The following SNTG1 variants were observed in gnomAD, a reference collection of about 807,000 sequenced individuals.
SNTG1 encodes syntrophin gamma 1.
Under a neutral mutation model 74.7 loss-of-function variants are expected in SNTG1, and 39 were observed. The ratio of observed to expected loss-of-function variants is 0.52; its 90% confidence interval spans 0.40 to 0.68. The LOEUF (loss-of-function observed/expected upper bound fraction) is 0.68. Among genes scored for constraint, SNTG1 ranks in the 30% least tolerant of loss-of-function variants. The pLI is 0.00. For missense variants in SNTG1, 685 were observed against 609.5 expected (o/e 1.12, Z -1.30); for synonymous variants, 254 against 217.1 (o/e 1.17, Z -1.49).
intron 15 of SNTG1, among the ~76,000 whole-genome samples, chr8:50,701,857 T>G (rs1302806813): frequency 6.7e-6 from 1 of 149,604 alleles, no homozygotes; most frequent in African/African-American, 2.5e-5. Context: ...CCTCTTCTTC[T>G]TCCTCTTTTT....
chr8:50,404,363 A>G (rs917293276), intron 4 of SNTG1, among the ~76,000 whole-genome samples: 1 of 152,176 alleles, frequency 6.6e-6, no homozygotes, highest in Non-Finnish European at 1.5e-5. Context: ...TAAATATTCC[A>G]AACCAGTCAA....
rs531530956 is a variant in SNTG1, at chr8:50,161,776, A to G, written c.-102-10785A>G. Among the ~76,000 whole-genome samples the G allele has an allele frequency of 1.7e-4, 26 of 152,322 alleles. 1 individual carries two copies. Among genetic ancestry groups the G allele is most frequent in the African/African-American group, 6.0e-4 (25 of 41,578 alleles). On this transcript the variant is annotated intron_variant, in intron 1 of 18. Coordinates refer to ENST00000642720, the MANE Select transcript of SNTG1 (RefSeq NM_018967.5). ...AACAGAAAAGAAAAAGAAAAAGAAA[A>G]AAAAAGTCACCCAATCAAAACATCC...
chr8:49,918,138 C>T (rs1027654130), intron 1 of SNTG1, among the ~76,000 whole-genome samples: 14 of 151,932 alleles, frequency 9.2e-5, no homozygotes, highest in Non-Finnish European at 1.3e-4. Flanking sequence ...CAATGAACCA[C>T]GACTTGATGA....
At chr8:50,750,458 C>T (rs995526849) in intron 17 of SNTG1, among the ~76,000 whole-genome samples, 3 of 151,936 alleles carry the variant, frequency 2.0e-5, no homozygotes, top group Non-Finnish European at 4.4e-5. Context: ...GACTGCAGTT[C>T]AGAAATTCTG....
chr8:50,013,422 C>T (rs547103057), intron 1 of SNTG1, among the ~76,000 whole-genome samples: 2 of 151,726 alleles, frequency 1.3e-5, no homozygotes, highest in Non-Finnish European at 2.9e-5. Context: ...TTTTGTAAAA[C>T]TTTCTTTTCA....
chr8:49,924,657 A>G (rs1452652824), intron 1 of SNTG1, among the ~76,000 whole-genome samples: 1 of 152,046 alleles, frequency 6.6e-6, no homozygotes, highest in African/African-American at 2.4e-5. Flanking sequence ...GAGTTTAGAC[A>G]TTAATTATGT....
intron 5 of SNTG1, among the ~76,000 whole-genome samples, chr8:50,442,930 A>G (rs1403694546): frequency 6.6e-6 from 1 of 151,980 alleles, no homozygotes; most frequent in Non-Finnish European, 1.5e-5. Context: ...TTGCAGCACC[A>G]TTTCTACTGG....
chr8:50,267,043 G>T (rs747475844), intron 2 of SNTG1, among the ~76,000 whole-genome samples: 2 of 151,656 alleles, frequency 1.3e-5, no homozygotes, highest in Non-Finnish European at 2.9e-5. Context: ...CTATCCTTAG[G>T]ACATACTTTA....
At chr8:50,592,508 C>T (rs2094698257) in intron 13 of SNTG1, among the ~76,000 whole-genome samples, 1 of 152,124 alleles carries the variant, frequency 6.6e-6, no homozygotes, top group African/African-American at 2.4e-5. Flanking sequence ...TGACTGGGAG[C>T]ACTTCTTGCC....
intron 17 of SNTG1, among the ~76,000 whole-genome samples, chr8:50,734,911 A>G (rs1334813228): frequency 7.0e-6 from 1 of 141,890 alleles, no homozygotes; most frequent in South Asian, 2.2e-4. Context: ...ATATATATCT[A>G]TATATATGTC....
At chr8:50,272,736 T>C (rs1380411958) in intron 2 of SNTG1, among the ~76,000 whole-genome samples, 2 of 152,122 alleles carry the variant, frequency 1.3e-5, no homozygotes, top group East Asian at 1.9e-4. Context: ...AACTTGTAAT[T>C]CTACACTTTC....
chr8:50,380,981 AAT>A (rs1450272996), intron 2 of SNTG1: 2 of 152,132 alleles, frequency 1.3e-5, no homozygotes, highest in African/African-American at 4.8e-5. Flanking sequence ...TCAGTGACGT[AAT>A]AATAGTCTAG....
At chr8:50,497,986 A>G (rs1226942182) in intron 8 of SNTG1, among the ~76,000 whole-genome samples, 1 of 151,888 alleles carries the variant, frequency 6.6e-6, no homozygotes, top group African/African-American at 2.4e-5. Context: ...TTATAAGGAT[A>G]TATCTCAGTT....
At chr8:49,957,971 A>G (rs115550459) in intron 1 of SNTG1, among the ~76,000 whole-genome samples, 1,919 of 152,278 alleles carry the variant, frequency 0.013, 42 homozygotes, top group African/African-American at 0.043. Flanking sequence ...TTCAAATGAC[A>G]TAGGACTTGT....
intron 18 of SNTG1, among the ~76,000 whole-genome samples, chr8:50,756,661 A>G (rs2095581350): frequency 6.6e-6 from 1 of 151,660 alleles, no homozygotes; most frequent in South Asian, 2.1e-4. Context: ...TGCTGTCTTG[A>G]TGACTGTAGC....
At chr8:50,721,150 T>C (rs2095486720) in intron 17 of SNTG1, among the ~76,000 whole-genome samples, 1 of 152,226 alleles carries the variant, frequency 6.6e-6, no homozygotes. Context: ...CAGTTTTGAA[T>C]GGTCTGCATC....
intron 2 of SNTG1, among the ~76,000 whole-genome samples, chr8:50,307,988 T>G (rs1239747499): frequency 1.3e-5 from 2 of 151,948 alleles, no homozygotes; most frequent in Non-Finnish European, 2.9e-5. Context: ...TCTTACTCCT[T>G]CAATGAAAAT....
At chr8:49,924,745 A>T (rs1273377337) in intron 1 of SNTG1, among the ~76,000 whole-genome samples, 1 of 151,924 alleles carries the variant, frequency 6.6e-6, no homozygotes, top group Non-Finnish European at 1.5e-5. Context: ...ATGTAACCAT[A>T]GTTCAGGGCA....
chr8:50,329,044 G>A (rs1411961278), intron 2 of SNTG1, among the ~76,000 whole-genome samples: 1 of 152,178 alleles, frequency 6.6e-6, no homozygotes, highest in African/African-American at 2.4e-5. Flanking sequence ...CTGAAATCCA[G>A]CAGAGCAGTC....
Sources: gnomAD v4.1 joint callset for allele counts (sites outside exome capture counted in the v4.1 genomes callset) on GRCh38, gnomAD v4.1.1 for gene constraint, MANE v1.5 for transcripts, NCBI Gene and HGNC (gene_info 2026-07-23, HGNC 2026-07-21) for gene names.